PDE4B: variants seen among roughly 807,000 people sequenced by gnomAD.
The protein encoded by PDE4B is phosphodiesterase 4B.
A neutral mutation model predicts 82.2 loss-of-function variants in PDE4B; 20 were observed. The observed-to-expected ratio is 0.24, with a 90% CI of 0.17 to 0.35. The LOEUF is 0.35. PDE4B is among the 10% of genes least tolerant of loss of function. PDE4B has a pLI of 1.00. For synonymous variants in PDE4B, 320 were observed against 318.9 expected (o/e 1.00, Z -0.04); for missense variants, 655 against 907.2 (o/e 0.72, Z 3.57).
intron 3 of PDE4B, among the ~76,000 whole-genome samples, chr1:65,939,986 A>G (rs1392505119): frequency 6.6e-6 from 1 of 152,172 alleles, no homozygotes; most frequent in Non-Finnish European, 1.5e-5. Flanking sequence ...CAAGCTGATT[A>G]CAGTAGTAAT....
At chr1:65,935,877 C>T (rs764777862) in intron 3 of PDE4B, among the ~76,000 whole-genome samples, 2 of 152,004 alleles carry the variant, frequency 1.3e-5, no homozygotes, top group African/African-American at 4.8e-5. Flanking sequence ...GCGGAGGTTG[C>T]GGTGAGCCGA....
At chr1:66,325,665 G>A (rs1264287513) in intron 7 of PDE4B, among the ~76,000 whole-genome samples, 4 of 152,164 alleles carry the variant, frequency 2.6e-5, no homozygotes, top group Non-Finnish European at 5.9e-5. Context: ...CCTACAGTGG[G>A]AAGGACGCTT....
chr1:65,975,360 C>T (rs944153645), intron 3 of PDE4B, among the ~76,000 whole-genome samples: 12 of 152,198 alleles, frequency 7.9e-5, no homozygotes, highest in African/African-American at 2.9e-4. Context: ...AGTGTATGCT[C>T]ATATGCATGG....
chr1:65,936,479 A>G (rs554408308), intron 3 of PDE4B, among the ~76,000 whole-genome samples: 2 of 152,302 alleles, frequency 1.3e-5, no homozygotes, highest in East Asian at 3.9e-4. Flanking sequence ...CCCAAATATT[A>G]TTATGCTATA....
chr1:66,172,884 A>G (rs1646864088), intron 3 of PDE4B, among the ~76,000 whole-genome samples: 1 of 152,240 alleles, frequency 6.6e-6, no homozygotes, highest in Non-Finnish European at 1.5e-5. Flanking sequence ...TTATCCATTG[A>G]AATGGTTGAT....
chr1:65,989,548 T>C (rs1320300788), intron 3 of PDE4B, among the ~76,000 whole-genome samples: 1 of 152,136 alleles, frequency 6.6e-6, no homozygotes, highest in South Asian at 2.1e-4. Flanking sequence ...ACCTGAGACA[T>C]ACCTTTAATT....
chr1:66,092,668 T>C (rs1645047239), intron 3 of PDE4B, among the ~76,000 whole-genome samples: 1 of 152,034 alleles, frequency 6.6e-6, no homozygotes, highest in African/African-American at 2.4e-5. Flanking sequence ...CAAAGAAACC[T>C]CTTCTGATCT....
At chr1:65,943,839 T>C (rs1250382505) in intron 3 of PDE4B, among the ~76,000 whole-genome samples, 1 of 152,068 alleles carries the variant, frequency 6.6e-6, no homozygotes, top group East Asian at 1.9e-4. Context: ...GTTGATTTTA[T>C]ATACTGAAAC....
At chr1:66,359,040 G>A (rs749653553) in intron 9 of PDE4B, among the ~76,000 whole-genome samples, 24 of 152,204 alleles carry the variant, frequency 1.6e-4, no homozygotes, top group Non-Finnish European at 2.9e-4. Context: ...TAATTTCAAG[G>A]GAAACAAAGC....
intron 3 of PDE4B, among the ~76,000 whole-genome samples, chr1:66,157,369 C>A (rs372361689): frequency 6.6e-6 from 1 of 152,300 alleles, no homozygotes; most frequent in East Asian, 1.9e-4. Flanking sequence ...TGCAGTGCAG[C>A]CAAAGTGATA....
intron 3 of PDE4B, among the ~76,000 whole-genome samples, chr1:66,095,449 T>C (rs61796647): frequency 2.5e-3 from 381 of 152,010 alleles, no homozygotes; most frequent in Non-Finnish European, 4.2e-3. Context: ...CTGTGTCACA[T>C]AGCTAATAGT....
At chr1:66,358,144 C>G (rs1411594982) in intron 9 of PDE4B, among the ~76,000 whole-genome samples, 1 of 152,130 alleles carries the variant, frequency 6.6e-6, no homozygotes, top group Non-Finnish European at 1.5e-5. Flanking sequence ...ACAGGGGACC[C>G]AGAGGGATGA....
intron 3 of PDE4B, among the ~76,000 whole-genome samples, chr1:66,092,029 C>A (rs1016733432): frequency 1.3e-5 from 2 of 152,018 alleles, no homozygotes; most frequent in African/African-American, 2.4e-5. Flanking sequence ...CAGTGCCTAT[C>A]ATACAAGGCG....
chr1:66,243,729 A>G, intron 3 of PDE4B, among the ~76,000 whole-genome samples: 1 of 152,232 alleles, frequency 6.6e-6, no homozygotes, highest in East Asian at 1.9e-4. Flanking sequence ...AGAGCTGAGA[A>G]CACTAGATAC....
intron 3 of PDE4B, among the ~76,000 whole-genome samples, chr1:66,182,828 T>TA: frequency 6.6e-6 from 1 of 152,318 alleles, no homozygotes; most frequent in Non-Finnish European, 1.5e-5. Flanking sequence ...AGGTGGCTGT[T>TA]ATAGCCTTTC....
chr1:65,949,577 G>A (rs1306659754), intron 3 of PDE4B, among the ~76,000 whole-genome samples: 2 of 151,954 alleles, frequency 1.3e-5, no homozygotes, highest in South Asian at 2.1e-4. Context: ...GTTCCTGATG[G>A]TAACATGTTA....
At chr1:65,865,327 G>C (rs1022782493) in intron 1 of PDE4B, among the ~76,000 whole-genome samples, 2 of 151,612 alleles carry the variant, frequency 1.3e-5, no homozygotes, top group African/African-American at 4.9e-5. Flanking sequence ...TGTGGGAGTG[G>C]GACCCGCTGA....
chr1:65,816,203 G>GTGTGTGTA (rs1645882239), intron 1 of PDE4B, among the ~76,000 whole-genome samples: 1 of 68,084 alleles, frequency 1.5e-5, no homozygotes, highest in Non-Finnish European at 3.9e-5. Flanking sequence ...GTGTGTGTGT[G>GTGTGTGTA]TGTGTGTGTG....
intron 3 of PDE4B, among the ~76,000 whole-genome samples, chr1:66,023,514 G>T (rs17128248): frequency 3.3e-5 from 5 of 152,114 alleles, no homozygotes; most frequent in Admixed American, 3.3e-4. Flanking sequence ...GAAGGAAGTT[G>T]TTTCTGAGGG....
Sources: gnomAD v4.1 joint callset for allele counts (sites outside exome capture counted in the v4.1 genomes callset) on GRCh38, gnomAD v4.1.1 for gene constraint, MANE v1.5 for transcripts, NCBI Gene and HGNC (gene_info 2026-07-23, HGNC 2026-07-21) for gene names.